The following FYCO1 variants were observed in gnomAD, a reference collection of about 807,000 sequenced individuals.
FYCO1 encodes FYVE and coiled-coil domain-containing protein 1.
A neutral mutation model predicts 165.1 loss-of-function variants in FYCO1; 122 were observed. That is an observed-to-expected ratio of 0.74 (90% CI 0.64 to 0.86). FYCO1 has a LOEUF of 0.86. FYCO1 is among the 40% of genes least tolerant of loss of function. FYCO1 has a pLI of 0.00. For synonymous variants in FYCO1, 648 were observed against 742.5 expected (o/e 0.87, Z 2.07); for missense variants, 1,702 against 1,810.3 (o/e 0.94, Z 1.09).
In FYCO1 at chr3:45,931,221, C is replaced by T. The variant is rs547222071; in HGVS notation, c.4101G>A (p.Leu1367=). 1 of 1,614,050 alleles carries T rather than the reference C, an allele frequency of 6.2e-7. No homozygotes were observed. Among genetic ancestry groups the T allele is most frequent in the African/African-American group, 1.3e-5 (1 of 75,062 alleles). Residue 1367 remains leucine (L), a synonymous_variant, in exon 16 of 18, where the codon CTG becomes CTA. Transcript: ENST00000296137. ...GGCTGTAGGTGCTGGACCTCACAAACAGCTCCCTGCTACCCTCCCCGAAGC... is the reference window on the plus strand; with the variant it reads ...GGCTGTAGGTGCTGGACCTCACAAATAGCTCCCTGCTACCCTCCCCGAAGC... ...IASFGEGSRE[L]FVRSSTYSLI...
At chr3:45,937,581 G>GT (rs1333390937) in intron 14 of FYCO1, among the ~76,000 whole-genome samples, 1 of 152,240 alleles carries the variant, frequency 6.6e-6, no homozygotes, top group Non-Finnish European at 1.5e-5. Flanking sequence ...TGAAAAGGCT[G>GT]TAAGTTTTAA....
intron 3 of FYCO1, among the ~76,000 whole-genome samples, chr3:45,980,097 C>A (rs972175697): frequency 2.6e-5 from 4 of 152,134 alleles, no homozygotes; most frequent in African/African-American, 7.2e-5. Context: ...CGCTGGTAAT[C>A]CAGCACTTTG....
chr3:45,934,569 A>G (rs1703791986), intron 15 of FYCO1, among the ~76,000 whole-genome samples: 1 of 152,278 alleles, frequency 6.6e-6, no homozygotes, highest in African/African-American at 2.4e-5. Context: ...CAAATCCAGC[A>G]GTGTGTGAAA....
At position 45,966,285 on chromosome 3, in the gene FYCO1, T is replaced by G. The variant is rs1575368105; in HGVS notation, c.3049A>C (p.Arg1017=). 2.5e-6 allele frequency: 4 copies of G among 1,614,002 alleles called. No homozygotes were observed. Among genetic ancestry groups the G allele is most frequent in the African/African-American group, 1.3e-5 (1 of 75,058 alleles). ...LSAEIMDYQS[R]LKNAGEECKS... is the part of the protein sequence containing the mutation. ...GTTGAAGCTAGGATTACCTTAAGTCTGCTCTGGTAGTCCATGATTTCAGCA... is the reference window on the plus strand; with the variant it reads ...GTTGAAGCTAGGATTACCTTAAGTCGGCTCTGGTAGTCCATGATTTCAGCA... Residue 1017 remains arginine, a synonymous_variant, in exon 8 of 18, where the codon AGA becomes CGA. Transcript: ENST00000296137.
At position 45,967,709 on chromosome 3, in the gene FYCO1, T is replaced by C; in HGVS notation, c.1625A>G (p.Asp542Gly). 6.2e-7 allele frequency: 1 copy of C among 1,613,584 alleles called. No individual in the cohort carries two copies. Among genetic ancestry groups the C allele is most frequent in the Non-Finnish European group, 8.5e-7 (1 of 1,180,026 alleles). The change falls in exon 8 of 18, where the codon GAC (aspartate) becomes GGC (glycine). Residue 542 changes from aspartate (D) to glycine (G), a missense_variant. Physicochemically the swap from Asp to Gly is moderately conservative, Grantham distance 94. Transcript: ENST00000296137. ...CACCTGCTGGCTGAGGTGGTCTTTGTCCTGAATGAGCTGCTTCTTCTGCTC... is the reference window on the plus strand; with the variant it reads ...CACCTGCTGGCTGAGGTGGTCTTTGCCCTGAATGAGCTGCTTCTTCTGCTC... ...LEEQKKQLIQ[D>G]KDHLSQQVGM...
chr3:45,968,509 C>G lies in FYCO1; in HGVS notation c.825G>C (p.Gln275His). 6.2e-7 allele frequency: 1 copy of G among 1,614,112 alleles called. No individual in the cohort carries two copies. The highest frequency in any genetic ancestry group is 8.5e-7 in the Non-Finnish European group (1 of 1,180,048). Residue 275 changes from glutamine to histidine, a missense_variant, in exon 8 of 18, where the codon CAG becomes CAC. Gln to His is a conservative substitution (Grantham distance 24). Transcript: ENST00000296137. ...AAVSQQGEQLQTERERGRTAA... is the reference protein window; with the variant it reads ...AAVSQQGEQLHTERERGRTAA... ...CAGTGCGCCCCCTCTCCCTCTCTGT[C>G]TGCAGTTGCTCCCCTTGCTGGCTGA...
intron 2 of FYCO1, among the ~76,000 whole-genome samples, chr3:45,982,869 G>A (rs1204540144): frequency 6.6e-6 from 1 of 152,192 alleles, no homozygotes; most frequent in Non-Finnish European, 1.5e-5. Flanking sequence ...AGAAGTGTCT[G>A]CAATGGCTGG....
intron 1 of FYCO1, among the ~76,000 whole-genome samples, chr3:45,988,273 C>A (rs775671739): frequency 6.6e-6 from 1 of 152,170 alleles, no homozygotes; most frequent in Non-Finnish European, 1.5e-5. Flanking sequence ...ATCTTGCCCT[C>A]CTTGCTCCTC....
Position 45,966,635 on chromosome 3 carries a change from C to T in FYCO1, c.2699G>A (p.Arg900Gln), listed in dbSNP as rs761673247. 5.6e-6 allele frequency: 9 copies of T among 1,614,030 alleles called. No homozygotes were observed. Among genetic ancestry groups the T allele is most frequent in the African/African-American group, 4.0e-5 (3 of 74,940 alleles). The change falls in exon 8 of 18, where the codon CGG (arginine) becomes CAG (glutamine). Residue 900 changes from arginine to glutamine, a missense_variant. By Grantham distance (43) the Arg-to-Gln change is conservative. Transcript: ENST00000296137. ...CAGCTCAGCTGTGTCTGTGTTGGCC[C>T]GGTGCAGCTGCTCTTGCAGCTCAGC... ...EHAELQEQLH[R>Q]ANTDTAELGI... is the part of the protein sequence containing the mutation.
In FYCO1 at chr3:45,968,574, G is replaced by C. The variant is rs773304315; in HGVS notation, c.760C>G (p.Gln254Glu). 1.2e-6 allele frequency: 2 copies of C among 1,613,934 alleles called. No homozygotes were observed. ...TCCTGGTTCTCTCTGTCCAGCTGCT[G>C]CATGCGCTCCCGTAGCTGCTTCTCC... ...VREKQLRERM[Q>E]QLDRENQELR... is the part of the protein sequence containing the mutation. The change falls in exon 8 of 18, where the codon CAG becomes GAG. Residue 254 changes from glutamine (Q) to glutamate (E), a missense_variant. Transcript: ENST00000296137.
At position 45,973,129 on chromosome 3, in the gene FYCO1, C is replaced by A; in HGVS notation, c.498G>T (p.Ser166=). 1 of 1,614,218 alleles carries A rather than the reference C, an allele frequency of 6.2e-7. No individual in the cohort carries two copies. Among genetic ancestry groups the A allele is most frequent in the Non-Finnish European group, 8.5e-7 (1 of 1,180,030 alleles). The part of the protein sequence containing the change: ...ELTEVQFDLA[S]RGFDLDAAWP... ...AGGCAGCATCCAAGTCAAAGCCCCT[C>A]GACGCCAGGTCAAACTGAACCTCAG... is the stretch of plus-strand genomic sequence containing the variant. The change falls in exon 6 of 18, where the codon TCG becomes TCT. Residue 166 remains serine, a synonymous_variant. Transcript: ENST00000296137.
intron 1 of FYCO1, among the ~76,000 whole-genome samples, chr3:45,994,218 C>CAAAAA: frequency 7.3e-6 from 1 of 136,908 alleles, no homozygotes. Context: ...AAAGTAACTG[C>CAAAAA]AAAAAAAAAA....
At chr3:45,927,117 C>T (rs1391177562) in intron 16 of FYCO1, among the ~76,000 whole-genome samples, 1 of 152,216 alleles carries the variant, frequency 6.6e-6, no homozygotes, top group Non-Finnish European at 1.5e-5. Flanking sequence ...AACACAAATT[C>T]GTAAACTTTC....
At chr3:45,933,781 GA>G (rs914897142) in intron 15 of FYCO1, among the ~76,000 whole-genome samples, 5 of 152,194 alleles carry the variant, frequency 3.3e-5, no homozygotes, top group Non-Finnish European at 7.3e-5. Flanking sequence ...TGTGCATGAG[GA>G]AAGACAATCA....
Position 45,962,466 on chromosome 3 carries a change from A to C in FYCO1, c.3270-74T>G. On this transcript the variant is annotated intron_variant, in intron 10 of 17. Transcript: ENST00000296137. The surrounding 1 kb of genome is among the most constrained non-coding windows in gnomAD (Gnocchi z 4.4). ...TCCCAGGGCTCTAAGCTCACCCAGG[A>C]CTCTAATGAGGGGTGCTACTGCCCT... 1.4e-6 allele frequency: 2 copies of C among 1,395,864 alleles called. No individual in the cohort carries two copies. The highest frequency in any genetic ancestry group is 2.0e-6 in the Non-Finnish European group (2 of 981,842). The allele number at this position is 1,395,864 out of a possible 1,614,324, so 86.5% of individuals were successfully genotyped here.
At chr3:45,995,656 C>G (rs1203331877) in intron 1 of FYCO1, 66 bp downstream of exon 1, 1 of 152,786 alleles carries the variant, frequency 6.5e-6, no homozygotes, top group Non-Finnish European at 1.5e-5. Context: ...GAGCGAAGCT[C>G]TCGCCTCAGG....
In FYCO1 at chr3:45,966,993, G is replaced by A. The variant is rs745691751; in HGVS notation, c.2341C>T (p.His781Tyr). ...TGCAGCCGTTGGACCTCCCCCTGAT[G>A]GACTTCCAGCTGCGCCTGAGACAGG... ...LALSQAQLEV[H>Y]QGEVQRLQAQ... Residue 781 changes from histidine to tyrosine, a missense_variant, in exon 8 of 18, where the codon CAT (histidine) becomes TAT (tyrosine). His to Tyr is a moderately conservative substitution (Grantham distance 83). Transcript: ENST00000296137. The A allele has an allele frequency of 2.0e-5, 33 of 1,613,146 alleles. No homozygotes were observed. The highest frequency in any genetic ancestry group is 3.3e-5 in the Admixed American group (2 of 60,036).
intron 1 of FYCO1, among the ~76,000 whole-genome samples, chr3:45,987,907 A>C (rs150151834): frequency 6.6e-6 from 1 of 152,348 alleles, no homozygotes; most frequent in Non-Finnish European, 1.5e-5. Flanking sequence ...AAGCCTGAAC[A>C]CAGATGGCAA....
chr3:45,983,339 C>T (rs1458034996), intron 2 of FYCO1, among the ~76,000 whole-genome samples: 2 of 152,186 alleles, frequency 1.3e-5, no homozygotes, highest in African/African-American at 4.8e-5. Flanking sequence ...TAAGGACACT[C>T]CACTCTCATG....
Sources: gnomAD v4.1 joint callset for allele counts (sites outside exome capture counted in the v4.1 genomes callset) on GRCh38, gnomAD v4.1.1 for gene constraint, Gnocchi (gnomAD v3.1) non-coding constraint, MANE v1.5 for transcripts, NCBI Gene and HGNC (gene_info 2026-07-23, HGNC 2026-07-21) for gene names.